The following DUS1L variants were observed in gnomAD, a reference collection of about 807,000 sequenced individuals.
DUS1L encodes the protein dihydrouridine synthase 1 like, also known as tRNA-dihydrouridine(16/17) synthase [NAD(P)(+)]-like.
Under a neutral mutation model 61.2 loss-of-function variants are expected in DUS1L, and 56 were observed. The observed-to-expected ratio is 0.92, with a 90% CI of 0.74 to 1.14. The LOEUF is 1.14. Ranked by LOEUF, DUS1L falls within the 50% of genes most tolerant of loss-of-function variation. The probability of loss-of-function intolerance (pLI) is 0.00; values close to 1 mark genes in which losing one functional copy is unlikely to be tolerated. For missense variants in DUS1L, 630 were observed against 632.4 expected (o/e 1.00, Z 0.04); for synonymous variants, 278 against 259.5 (o/e 1.07, Z -0.69).
intron 5 of DUS1L, 83 bp from the exon 6 acceptor site, chr17:82,062,066 C>T (rs1245350606): frequency 3.5e-5 from 45 of 1,270,496 alleles, no homozygotes; most frequent in Non-Finnish European, 4.7e-5. Context: ...GCCCCCTCTG[C>T]CCCTACTCCA....
rs2033692407 is a variant in DUS1L at position 82,064,847 on chromosome 17, G to T, written c.213C>A (p.Pro71=). The change falls in exon 2 of 14, where the codon CCC becomes CCA. Residue 71 remains proline, a synonymous_variant. Transcript: ENST00000306796. ...RKENLYCEVC[P]EDRPLIVQFC... ...CCTGCACGATGAGGGGCCGGTCCTC[G>T]GGGCACACCTCGCAGTACAGGTTCT... 1 of 1,611,452 alleles carries T rather than the reference G, an allele frequency of 6.2e-7. No homozygotes were observed. Among genetic ancestry groups the T allele is most frequent in the Non-Finnish European group, 8.5e-7 (1 of 1,179,490 alleles).
intron 11 of DUS1L, chr17:82,059,150 G>A (rs189155853): frequency 4.1e-5 from 14 of 340,320 alleles, no homozygotes; most frequent in African/African-American, 2.5e-4. Flanking sequence ...GGGTCCAAGG[G>A]GGGTTCCATG....
Position 82,058,421 on chromosome 17 carries a change from G to C in DUS1L, c.1207-5C>G. 4 of 1,484,382 alleles carry C rather than the reference G, an allele frequency of 2.7e-6. No individual in the cohort carries two copies. Among genetic ancestry groups the C allele is most frequent in the Non-Finnish European group, 3.6e-6 (4 of 1,115,890 alleles). 92.0% of individuals were successfully genotyped at this position (1,484,382 alleles called of 1,614,324 possible). ...GCTGAACACACATCTGTTGCCCTGG[G>C]CACAGGAAATCTCGGGAGCCTGTGG... On this transcript the variant is annotated splice_polypyrimidine_tract_variant and splice_region_variant and intron_variant, in intron 12 of 13. Coordinates refer to ENST00000306796, the MANE Select transcript of DUS1L (RefSeq NM_022156.5).
intron 8 of DUS1L, 21 bp from the exon 9 acceptor site, chr17:82,060,982 C>G: frequency 1.2e-6 from 2 of 1,604,468 alleles, no homozygotes; most frequent in Non-Finnish European, 8.5e-7. Context: ...GGCCCTGTCA[C>G]GCAGGCTGGG....
intron 4 of DUS1L, 150 bp from the exon 5 acceptor site, chr17:82,063,123 C>G (rs1372727439): frequency 1.1e-5 from 8 of 698,750 alleles, no homozygotes; most frequent in Non-Finnish European, 1.9e-5. Context: ...GGGTGTCTCC[C>G]TCAGGTTGCT....
At chr17:82,062,760 C>T in intron 5 of DUS1L, 101 bp downstream of exon 5, 1 of 1,065,940 alleles carries the variant, frequency 9.4e-7, no homozygotes, top group Non-Finnish European at 1.4e-6. Context: ...CCCCATGAGG[C>T]CGACGGTGCA....
intron 2 of DUS1L, 33 bp downstream of exon 2, chr17:82,064,790 A>T (rs781772400): frequency 6.3e-7 from 1 of 1,577,646 alleles, no homozygotes; most frequent in Admixed American, 1.8e-5. Flanking sequence ...CGGGAACCCA[A>T]CCGCGGCCGC....
At chr17:82,060,646 G>A in intron 10 of DUS1L, 55 bp downstream of exon 10, 1 of 1,578,420 alleles carries the variant, frequency 6.3e-7, no homozygotes, top group Non-Finnish European at 8.6e-7. Flanking sequence ...TGTGGGCACA[G>A]GGTGGAGCCC....
chr17:82,064,299 A>G, intron 2 of DUS1L, 65 bp from the exon 3 acceptor site: 1 of 1,410,346 alleles, frequency 7.1e-7, no homozygotes, highest in Non-Finnish European at 9.8e-7. Context: ...GCCCAGCCCT[A>G]CGAGAGGTCC....
At chr17:82,061,069 TCCTAAGTCA>T in intron 8 of DUS1L, 108 bp from the exon 9 acceptor site, 1 of 1,532,344 alleles carries the variant, frequency 6.5e-7, no homozygotes, top group Non-Finnish European at 8.8e-7. Flanking sequence ...CCAACTCCAC[TCCTAAGTCA>T]CCCCAGCCCC....
chr17:82,060,560 G>T, intron 10 of DUS1L, 141 bp downstream of exon 10: 1 of 1,120,424 alleles, frequency 8.9e-7, no homozygotes, highest in Non-Finnish European at 1.3e-6. Context: ...TCGGAGCCGA[G>T]GCCTCCCTCC....
Position 82,057,822 on chromosome 17 carries a change from C to T in DUS1L, c.*293G>A. ...CCCCCACTGGCCCCAACCGCACCTG[C>T]CCCGGCTCATGCCTCCCTGGGTCTG... On this transcript the variant is annotated 3_prime_UTR_variant, in exon 14 of 14. Coordinates refer to ENST00000306796, the MANE Select transcript of DUS1L (RefSeq NM_022156.5). The T allele has an allele frequency of 3.3e-6, 1 of 302,234 alleles. No homozygotes were observed. Among genetic ancestry groups the T allele is most frequent in the Non-Finnish European group, 6.1e-6 (1 of 163,126 alleles). The allele number at this position is 302,234 out of a possible 1,614,324, so 18.7% of individuals were successfully genotyped here. A position where few individuals can be genotyped will look rare whatever the true frequency, so the allele number is the denominator to read the frequency against.
rs756014147 is a variant in DUS1L, at chr17:82,060,029, C to T, written c.1087G>A (p.Gly363Ser). The T allele has an allele frequency of 2.5e-6, 4 of 1,613,806 alleles. No homozygotes were observed. Among genetic ancestry groups the T allele is most frequent in the East Asian group, 4.5e-5 (2 of 44,846 alleles). Residue 363 changes from glycine to serine, a missense_variant, in exon 11 of 14, where the codon GGT becomes AGT. Physicochemically the swap from Gly to Ser is moderately conservative, Grantham distance 56 (BLOSUM62 0). Coordinates refer to ENST00000306796, the MANE Select transcript of DUS1L (RefSeq NM_022156.5). ...RSKRALEEEE[G>S]GTEVLSKNKQ... is the part of the protein sequence containing the mutation. ...TTCTTGGACAGGACCTCCGTGCCACCCTCCTCTTCCTCCAGGGCCCGCTTG... is the reference window on the plus strand; with the variant it reads ...TTCTTGGACAGGACCTCCGTGCCACTCTCCTCTTCCTCCAGGGCCCGCTTG...
Position 82,060,973 on chromosome 17 carries a change from G to A in DUS1L, c.843-12C>T. On this transcript the variant is annotated splice_polypyrimidine_tract_variant and intron_variant, in intron 8 of 13. Coordinates refer to ENST00000306796, the MANE Select transcript of DUS1L (RefSeq NM_022156.5). ...GGTGCACCTGCAGCCTGAGACAGAGGCCCTGTCACGCAGGCTGGGCTCCCG... is the reference window on the plus strand; with the variant it reads ...GGTGCACCTGCAGCCTGAGACAGAGACCCTGTCACGCAGGCTGGGCTCCCG... 2 of 1,606,640 alleles carry A rather than the reference G, an allele frequency of 1.2e-6. No homozygotes were observed. The highest frequency in any genetic ancestry group is 8.5e-7 in the Non-Finnish European group (1 of 1,179,144).
At chr17:82,063,990 G>A in intron 3 of DUS1L, 136 bp downstream of exon 3, 1 of 746,930 alleles carries the variant, frequency 1.3e-6, no homozygotes, top group East Asian at 2.7e-5. Context: ...GAGCACAGAG[G>A]ACAGCTGGCT....
chr17:82,065,551 C>T (rs2033731671), intron 1 of DUS1L, 62 bp downstream of exon 1: 1 of 153,740 alleles, frequency 6.5e-6, no homozygotes, highest in Non-Finnish European at 1.4e-5. Context: ...CCTCCGGAGC[C>T]ACGCGGCGGG....
intron 5 of DUS1L, among the ~76,000 whole-genome samples, 179 bp downstream of exon 5, chr17:82,062,682 T>C (rs921059258): frequency 1.3e-5 from 2 of 152,218 alleles, no homozygotes; most frequent in African/African-American, 4.8e-5. Flanking sequence ...GTTTCTGTTG[T>C]AGAGGCCTGG....
chr17:82,058,461 G>A (rs751755062), intron 12 of DUS1L, 45 bp from the exon 13 acceptor site: 63 of 1,475,038 alleles, frequency 4.3e-5, no homozygotes, highest in South Asian at 7.3e-5. Context: ...CACCACTCCC[G>A]GGGCCAGGCT....
rs149239423 is a variant in DUS1L at position 82,062,915 on chromosome 17, C to G, written c.456G>C (p.Pro152=). 1 of 1,612,980 alleles carries G rather than the reference C, an allele frequency of 6.2e-7. No individual in the cohort carries two copies. ...CGTACCTCACGGTCTTGTCAATCTC[C>G]GGGAAGACACGGATTTTGCACGTGA... ...VPVTCKIRVF[P]EIDKTVRYAQ... is the part of the protein sequence containing the mutation. The change falls in exon 5 of 14, where the codon CCG becomes CCC. Residue 152 remains proline (P), a synonymous_variant. Coordinates refer to ENST00000306796, the MANE Select transcript of DUS1L (RefSeq NM_022156.5).
Sources: gnomAD v4.1 joint callset for allele counts (sites outside exome capture counted in the v4.1 genomes callset) on GRCh38, gnomAD v4.1.1 for gene constraint, MANE v1.5 for transcripts, NCBI Gene and HGNC (gene_info 2026-07-23, HGNC 2026-07-21) for gene names.